CDC73: variants seen among roughly 807,000 people sequenced by gnomAD.
The protein encoded by CDC73 is parafibromin.
In CDC73, 21 loss-of-function variants were observed where a neutral mutation model predicts 83.7. The observed-to-expected ratio is 0.25, with a 90% CI of 0.18 to 0.36. The LOEUF is 0.36. CDC73 is among the 10% of genes least tolerant of loss of function. The pLI, the probability that CDC73 is intolerant of heterozygous loss-of-function variation, is 1.00. For missense variants in CDC73, 342 were observed against 653.3 expected, an observed-to-expected ratio of 0.52 and a Z score of 5.19; for synonymous variants, 224 against 212.9, an observed-to-expected ratio of 1.05 and a Z score of -0.45.
intron 13 of CDC73, among the ~76,000 whole-genome samples, chr1:193,226,856 T>G (rs922741109): frequency 6.6e-6 from 1 of 152,312 alleles, no homozygotes; most frequent in East Asian, 1.9e-4. Context: ...GAGGATTCTC[T>G]TTCTCTATCT....
At chr1:193,198,766 G>C (rs1677042629) in intron 10 of CDC73, among the ~76,000 whole-genome samples, 1 of 152,230 alleles carries the variant, frequency 6.6e-6, no homozygotes. Flanking sequence ...TTAGTAGTTA[G>C]AAAGCATAGG....
intron 10 of CDC73, among the ~76,000 whole-genome samples, chr1:193,195,563 G>A (rs529174151): frequency 1.3e-5 from 2 of 152,030 alleles, no homozygotes; most frequent in African/African-American, 4.8e-5. Context: ...TTAATTTTTG[G>A]AGTACCATCA....
At chr1:193,138,016 C>A in intron 5 of CDC73, 69 bp from the exon 6 acceptor site, 1 of 1,122,526 alleles carries the variant, frequency 8.9e-7, no homozygotes, top group Non-Finnish European at 1.4e-6. Flanking sequence ...GGAAAAGTTA[C>A]ATGTAGCGTT....
chr1:193,150,071 A>G (rs2103132004), intron 8 of CDC73, among the ~76,000 whole-genome samples: 1 of 152,182 alleles, frequency 6.6e-6, no homozygotes, highest in African/African-American at 2.4e-5. Flanking sequence ...CTGGGATTCA[A>G]AACCAGCTTG....
In CDC73 at chr1:193,212,055, T is replaced by G. The variant is rs370349805; in HGVS notation, c.1031-10T>G. On this transcript the variant is annotated splice_polypyrimidine_tract_variant and intron_variant, in intron 11 of 16. Transcript: ENST00000367435. ...TGACACAGAGTTGTGATTTTTTTTC[T>G]TTTTCACAGTTTCTCAAGCAAGACC... 9.5e-6 allele frequency: 15 copies of G among 1,576,538 alleles called. No individual in the cohort carries two copies. In the Admixed American group the frequency reaches 2.6e-4, roughly 28 times the overall value.
intron 10 of CDC73, among the ~76,000 whole-genome samples, chr1:193,195,658 T>C (rs1676991067): frequency 6.6e-6 from 1 of 151,868 alleles, no homozygotes; most frequent in South Asian, 2.1e-4. Context: ...TCATTTATAC[T>C]TGTTACTTTC....
At chr1:193,201,686 T>C (rs1444786748) in intron 10 of CDC73, among the ~76,000 whole-genome samples, 1 of 152,180 alleles carries the variant, frequency 6.6e-6, no homozygotes, top group African/African-American at 2.4e-5. Flanking sequence ...AGTTTTGAGC[T>C]TATTCAAAAA....
chr1:193,249,595 C>G (rs986116007), intron 15 of CDC73, 135 bp from the exon 16 acceptor site: 2 of 706,152 alleles, frequency 2.8e-6, no homozygotes, highest in Non-Finnish European at 4.9e-6. Flanking sequence ...GTGTATAAAC[C>G]CTGAATGTTT....
intron 13 of CDC73, among the ~76,000 whole-genome samples, chr1:193,225,245 GAT>G (rs56261261): frequency 0.06 from 8,638 of 143,402 alleles, 338 homozygotes; most frequent in African/African-American, 0.11. Flanking sequence ...AGTATTCCAT[GAT>G]ATATATATAT....
rs1387012644 is a variant in CDC73, at chr1:193,252,533, GTTTA to G, written c.*1825_*1828del. The G allele has an allele frequency of 1.3e-5, 3 of 230,202 alleles. No individual in the cohort carries two copies. The highest frequency in any genetic ancestry group is 2.2e-5 in the African/African-American group (1 of 45,188). The allele number at this position is 230,202 out of a possible 1,614,324, so 14.3% of individuals were successfully genotyped here. On this transcript the variant is annotated 3_prime_UTR_variant, in exon 17 of 17. Transcript: ENST00000367435. Reference sequence around the variant, plus strand: ...ATTAGGAACATCTACTTTGAATGAGGTTTATTTTTCTATTTTGAATTTGCCTTAT... The same window carrying G: ...ATTAGGAACATCTACTTTGAATGAGGTTTTTCTATTTTGAATTTGCCTTAT...
At chr1:193,230,431 G>A (rs1015160703) in intron 13 of CDC73, among the ~76,000 whole-genome samples, 28 of 143,560 alleles carry the variant, frequency 2.0e-4, no homozygotes, top group African/African-American at 4.1e-4. Context: ...ACAGGCATAA[G>A]CCACTGCACC....
chr1:193,242,354 T>C (rs1288516633), intron 15 of CDC73, among the ~76,000 whole-genome samples: 2 of 152,190 alleles, frequency 1.3e-5, no homozygotes, highest in Non-Finnish European at 2.9e-5. Context: ...CTGGCTAGGA[T>C]TGCAGGAGTC....
At chr1:193,159,651 C>A (rs557330913) in intron 10 of CDC73, among the ~76,000 whole-genome samples, 1 of 152,168 alleles carries the variant, frequency 6.6e-6, no homozygotes, top group Non-Finnish European at 1.5e-5. Flanking sequence ...CGTGAGCCAC[C>A]GTGCCCGGCC....
chr1:193,166,673 G>A (rs1466689459), intron 10 of CDC73, among the ~76,000 whole-genome samples: 5 of 145,220 alleles, frequency 3.4e-5, no homozygotes, highest in African/African-American at 7.7e-5. Context: ...TTTTGAGACC[G>A]AGTTTTGCTC....
chr1:193,191,895 C>T (rs1427520461), intron 10 of CDC73, among the ~76,000 whole-genome samples: 2 of 152,070 alleles, frequency 1.3e-5, no homozygotes, highest in Admixed American at 1.3e-4. Flanking sequence ...TCCACTGGGT[C>T]AGCACCTTTG....
rs371748312 is a variant in CDC73, at chr1:193,147,989, A to G, written c.828+24A>G. The G allele has an allele frequency of 5.3e-6, 8 of 1,497,842 alleles. No individual in the cohort carries two copies. In the African/African-American group the frequency reaches 6.9e-5, roughly 13 times the overall value. 92.8% of individuals were successfully genotyped at this position (1,497,842 alleles called of 1,614,324 possible). A position where few individuals can be genotyped will look rare whatever the true frequency, so the allele number is the denominator to read the frequency against. ...TGGTAAGAATGCTTTACTGCTTTAC[A>G]GTAGATTTAATGAAGTTGCCACTTA... On this transcript the variant is annotated intron_variant, in intron 8 of 16. Transcript: ENST00000367435.
intron 7 of CDC73, among the ~76,000 whole-genome samples, chr1:193,145,648 T>C (rs1675986890): frequency 6.6e-6 from 1 of 152,230 alleles, no homozygotes; most frequent in South Asian, 2.1e-4. Context: ...CAATAGATAC[T>C]GTAGTTCACA....
chr1:193,238,219 T>C (rs963470779), intron 15 of CDC73, among the ~76,000 whole-genome samples: 1 of 152,180 alleles, frequency 6.6e-6, no homozygotes, highest in African/African-American at 2.4e-5. Context: ...CTATACTGAC[T>C]CCTTTTTCTC....
At chr1:193,204,446 C>T (rs574184153) in intron 11 of CDC73, among the ~76,000 whole-genome samples, 12 of 151,464 alleles carry the variant, frequency 7.9e-5, no homozygotes, top group African/African-American at 2.4e-4. Flanking sequence ...CCTGCCACCA[C>T]GCCCGGCTAA....
Sources: gnomAD v4.1 joint callset for allele counts (sites outside exome capture counted in the v4.1 genomes callset) on GRCh38, gnomAD v4.1.1 for gene constraint, MANE v1.5 for transcripts, NCBI Gene and HGNC (gene_info 2026-07-23, HGNC 2026-07-21) for gene names.